SHISA3: variants seen among roughly 807,000 people sequenced by gnomAD.
SHISA3 encodes shisa family member 3, also known as protein shisa-3 homolog.
Under a neutral mutation model 19.2 loss-of-function variants are expected in SHISA3, and 15 were observed. The ratio of observed to expected loss-of-function variants is 0.78; its 90% CI spans 0.52 to 1.20. The LOEUF (loss-of-function observed/expected upper bound fraction) is 1.20. Among genes scored for constraint, SHISA3 ranks in the 50% most tolerant of loss-of-function variants. The pLI is 0.00. For missense variants in SHISA3, 327 were observed against 315.7 expected, an observed-to-expected ratio of 1.04 and a Z score of -0.27; for synonymous variants, 145 against 135.2, an observed-to-expected ratio of 1.07 and a Z score of -0.50.
rs762954514 is a variant in SHISA3, at chr4:42,398,037, G to C, written c.-20G>C. The C allele has an allele frequency of 2.0e-6, 3 of 1,537,688 alleles. No individual in the cohort carries two copies. The Admixed American group carries it at 6.1e-5, about 31-fold the overall frequency. On this transcript the variant is annotated 5_prime_UTR_variant, in exon 1 of 2. Transcript: ENST00000319234. ...TTCCAGCTGCGTCCTGCTCCCGGCC[G>C]CCCAGGGAGCCCAGTGGCGATGAGG...
At position 42,398,346 on chromosome 4, in the gene SHISA3, C is replaced by A. The variant is rs1325286043; in HGVS notation, c.277+13C>A. The A allele has an allele frequency of 2.0e-6, 3 of 1,525,908 alleles. No individual in the cohort carries two copies. The East Asian group carries it at 7.3e-5, about 37-fold the overall frequency. The allele number at this position is 1,525,908 out of a possible 1,614,324, so 94.5% of individuals were successfully genotyped here. ...GGCATCACTGCGCGTAAGTGCGGGG[C>A]CCTCGGGGACATATCCCCGCCCGCC... On this transcript the variant is annotated intron_variant, in intron 1 of 1. Transcript: ENST00000319234.
intron 1 of SHISA3, among the ~76,000 whole-genome samples, chr4:42,399,406 T>C (rs917614906): frequency 2.0e-5 from 3 of 152,192 alleles, no homozygotes; most frequent in African/African-American, 7.2e-5. Context: ...ATCTAGAGGA[T>C]TCTGGAAGTA....
intron 1 of SHISA3, 24 bp downstream of exon 1, chr4:42,398,357 A>T: frequency 6.6e-7 from 1 of 1,512,584 alleles, no homozygotes; most frequent in Non-Finnish European, 8.8e-7. Context: ...CCTCGGGGAC[A>T]TATCCCCGCC....
chr4:42,398,073 C>A lies in SHISA3; in HGVS notation c.17C>A (p.Ala6Glu), dbSNP rs761529553. The A allele has an allele frequency of 1.7e-5, 27 of 1,596,306 alleles. No homozygotes were observed. The highest frequency in any genetic ancestry group is 2.3e-5 in the East Asian group (1 of 44,142). MRALL[A>E]LCLLLGWLRW... ...CCAGTGGCGATGAGGGCACTGCTGG[C>A]GCTTTGCCTTCTCCTTGGCTGGCTG... The change falls in exon 1 of 2, where the codon GCG (alanine) becomes GAG (glutamate). Residue 6 changes from alanine (A) to glutamate (E), a missense_variant. Ala to Glu is a moderately radical substitution (Grantham distance 107). Coordinates refer to ENST00000319234, the MANE Select transcript of SHISA3 (RefSeq NM_001080505.3).
chr4:42,398,188 C>T lies in SHISA3; in HGVS notation c.132C>T (p.Cys44=), dbSNP rs1025339209. 3.7e-6 allele frequency: 6 copies of T among 1,606,314 alleles called. No individual in the cohort carries two copies. The highest frequency in any genetic ancestry group is 1.6e-4 in the Middle Eastern group (1 of 6,062). ...VQGNYHEGFQ[C]PEDFDTLDAT... ...GCAACTACCACGAGGGCTTCCAGTG[C>T]CCAGAGGACTTCGACACGCTGGACG... Residue 44 remains cysteine, a synonymous_variant, in exon 1 of 2, where the codon TGC becomes TGT. Transcript: ENST00000319234.
chr4:42,401,005 C>T lies in SHISA3; in HGVS notation c.278-7C>T. The T allele has an allele frequency of 1.2e-6, 2 of 1,611,890 alleles. No homozygotes were observed. The highest frequency in any genetic ancestry group is 8.5e-7 in the Non-Finnish European group (1 of 1,178,698). Reference sequence around the variant, plus strand: ...AGCATCTGTTTATGTCTGTTTTTGCCTTTTAGAGCCTGTCTACGTCCCCTT... The same window carrying T: ...AGCATCTGTTTATGTCTGTTTTTGCTTTTTAGAGCCTGTCTACGTCCCCTT... On this transcript the variant is annotated splice_polypyrimidine_tract_variant and splice_region_variant and intron_variant, in intron 1 of 1. Coordinates refer to ENST00000319234, the MANE Select transcript of SHISA3 (RefSeq NM_001080505.3).
chr4:42,399,899 C>G lies in SHISA3; in HGVS notation c.278-1113C>G, dbSNP rs76815661. On this transcript the variant is annotated intron_variant, in intron 1 of 1. Transcript: ENST00000319234. The stretch of plus-strand genomic sequence containing the variant: ...TAAACAAGGGAGAATGGGAGGGACA[C>G]AGAAGAGCTTACGCCTAGTAGCCCA... Among the ~76,000 whole-genome samples the G allele has an allele frequency of 5.0e-3, 759 of 152,324 alleles. 3 individuals carry two copies. Among genetic ancestry groups the G allele is most frequent in the Non-Finnish European group, 7.7e-3 (524 of 68,024 alleles).
chr4:42,401,514 T>C lies in SHISA3; in HGVS notation c.*63T>C. ...CAGACAGGTGGAGCCCTGCTCCCAT[T>C]GCCACATGCAATTCTGAGAAAATTT... On this transcript the variant is annotated 3_prime_UTR_variant, in exon 2 of 2. Transcript: ENST00000319234. 1 of 1,495,126 alleles carries C rather than the reference T, an allele frequency of 6.7e-7. No individual in the cohort carries two copies. The highest frequency in any genetic ancestry group is 9.0e-7 in the Non-Finnish European group (1 of 1,113,916). 92.6% of individuals were successfully genotyped at this position (1,495,126 alleles called of 1,614,324 possible).
Position 42,398,318 on chromosome 4 carries a change from C to A in SHISA3, c.262C>A (p.Pro88Thr). 1 of 1,557,036 alleles carries A rather than the reference C, an allele frequency of 6.4e-7. No individual in the cohort carries two copies. Among genetic ancestry groups the A allele is most frequent in the Non-Finnish European group, 8.7e-7 (1 of 1,152,832 alleles). Residue 88 changes from proline to threonine, a missense_variant, in exon 1 of 2, where the codon CCA (proline) becomes ACA (threonine). Pro to Thr is a conservative substitution (Grantham distance 38, BLOSUM62 -1). Transcript: ENST00000319234. ...CTNDRRELEH[P>T]GITAQPVYVP... ...CAACGACCGCCGCGAACTGGAGCAC[C>A]CAGGCATCACTGCGCGTAAGTGCGG...
chr4:42,397,961 C>A lies in SHISA3; in HGVS notation c.-96C>A. 1 of 1,258,472 alleles carries A rather than the reference C, an allele frequency of 7.9e-7. No individual in the cohort carries two copies. Among genetic ancestry groups the A allele is most frequent in the Non-Finnish European group, 1.1e-6 (1 of 940,656 alleles). 78.0% of individuals were successfully genotyped at this position (1,258,472 alleles called of 1,614,324 possible). A position where few individuals can be genotyped will look rare whatever the true frequency, so the allele number is the denominator to read the frequency against. On this transcript the variant is annotated 5_prime_UTR_variant, in exon 1 of 2. It adds an upstream start codon to the 5' untranslated region. Coordinates refer to ENST00000319234, the MANE Select transcript of SHISA3 (RefSeq NM_001080505.3). The stretch of plus-strand genomic sequence containing the variant: ...GGGGCCAGCAGCTTGCGACGTGTCC[C>A]TGGGGAGGCGGAATCGCTGTGCGCC...
intron 1 of SHISA3, among the ~76,000 whole-genome samples, chr4:42,399,071 C>T (rs1353524850): frequency 1.3e-5 from 2 of 152,128 alleles, no homozygotes; most frequent in South Asian, 2.1e-4. Flanking sequence ...ATCACGACCC[C>T]AGCAGAGAAA....
At chr4:42,398,643 C>G (rs1202134160) in intron 1 of SHISA3, among the ~76,000 whole-genome samples, 1 of 152,126 alleles carries the variant, frequency 6.6e-6, no homozygotes, top group Non-Finnish European at 1.5e-5. Flanking sequence ...ACAGCTGGAG[C>G]TCCCGGGAGA....
In SHISA3 at chr4:42,398,346, C is replaced by T. The variant is rs1325286043; in HGVS notation, c.277+13C>T. On this transcript the variant is annotated intron_variant, in intron 1 of 1. Transcript: ENST00000319234. ...GGCATCACTGCGCGTAAGTGCGGGGCCCTCGGGGACATATCCCCGCCCGCC... is the reference window on the plus strand; with the variant it reads ...GGCATCACTGCGCGTAAGTGCGGGGTCCTCGGGGACATATCCCCGCCCGCC... The T allele has an allele frequency of 2.6e-6, 4 of 1,525,790 alleles. No individual in the cohort carries two copies. Among genetic ancestry groups the T allele is most frequent in the Middle Eastern group, 3.4e-4 (2 of 5,866 alleles). The allele number at this position is 1,525,790 out of a possible 1,614,324, so 94.5% of individuals were successfully genotyped here.
In SHISA3 at chr4:42,401,805, A is replaced by G. The variant is rs901502570; in HGVS notation, c.*354A>G. ...AAAGGGCTACATGTTTCTTTTTCAT[A>G]TAAGTTGTTCATTGAGTTATGATAG... On this transcript the variant is annotated 3_prime_UTR_variant, in exon 2 of 2. Coordinates refer to ENST00000319234, the MANE Select transcript of SHISA3 (RefSeq NM_001080505.3). The G allele has an allele frequency of 1.0e-5, 2 of 196,714 alleles. No individual in the cohort carries two copies. The highest frequency in any genetic ancestry group is 1.3e-4 in the East Asian group (1 of 7,906). The allele number at this position is 196,714 out of a possible 1,614,324, so 12.2% of individuals were successfully genotyped here. A position where few individuals can be genotyped will look rare whatever the true frequency, so the allele number is the denominator to read the frequency against.
Position 42,397,714 on chromosome 4 carries a change from G to A in SHISA3, c.-343G>A, listed in dbSNP as rs1187007700. 5 of 279,436 alleles carry A rather than the reference G, an allele frequency of 1.8e-5. No homozygotes were observed. Among genetic ancestry groups the A allele is most frequent in the Non-Finnish European group, 2.7e-5 (4 of 150,550 alleles). 17.3% of individuals were successfully genotyped at this position (279,436 alleles called of 1,614,324 possible). On this transcript the variant is annotated 5_prime_UTR_variant, in exon 1 of 2. Transcript: ENST00000319234. ...TATGGCTCCCTTGAGGAGTGGGGAG[G>A]GAGGTGGCCGGGGGGTTGGCGCGCC...
chr4:42,400,988 T>G, intron 1 of SHISA3, 24 bp from the exon 2 acceptor site: 1 of 1,608,696 alleles, frequency 6.2e-7, no homozygotes, highest in Non-Finnish European at 8.5e-7. Context: ...TGAGCATCTG[T>G]TTATGTCTGT....
chr4:42,401,541 C>A lies in SHISA3; in HGVS notation c.*90C>A. On this transcript the variant is annotated 3_prime_UTR_variant, in exon 2 of 2. Coordinates refer to ENST00000319234, the MANE Select transcript of SHISA3 (RefSeq NM_001080505.3). ...CCACATGCAATTCTGAGAAAATTTCCCTTGTAACTGATCAGTGTCATGGAG... is the reference window on the plus strand; with the variant it reads ...CCACATGCAATTCTGAGAAAATTTCACTTGTAACTGATCAGTGTCATGGAG... The A allele has an allele frequency of 7.2e-7, 1 of 1,390,956 alleles. No individual in the cohort carries two copies. The allele number at this position is 1,390,956 out of a possible 1,614,324, so 86.2% of individuals were successfully genotyped here.
Position 42,398,138 on chromosome 4 carries a change from T to C in SHISA3, c.82T>C (p.Cys28Arg). The C allele has an allele frequency of 3.7e-6, 6 of 1,605,760 alleles. No homozygotes were observed. Among genetic ancestry groups the C allele is most frequent in the Non-Finnish European group, 5.1e-6 (6 of 1,176,760 alleles). The change falls in exon 1 of 2, where the codon TGC (cysteine) becomes CGC (arginine). Residue 28 changes from cysteine to arginine, a missense_variant. Cys to Arg is a radical substitution (Grantham distance 180, BLOSUM62 -3). Coordinates refer to ENST00000319234, the MANE Select transcript of SHISA3 (RefSeq NM_001080505.3). ...GGGCGCCCAGCAGTCCGGAGAGTAC[T>C]GCCACGGCTGGGTGGACGTGCAGGG... ...PAGAQQSGEYCHGWVDVQGNY... is the reference protein window; with the variant it reads ...PAGAQQSGEYRHGWVDVQGNY...
chr4:42,397,903 CTG>C lies in SHISA3; in HGVS notation c.-153_-152del. Reference sequence around the variant, plus strand: ...GCAGCCCCTGTCGCCTCCCCGGCCCCTGCTATCCCACGCAGGACTGGCTTCGG... The same window carrying C: ...GCAGCCCCTGTCGCCTCCCCGGCCCCCTATCCCACGCAGGACTGGCTTCGG... On this transcript the variant is annotated 5_prime_UTR_variant, in exon 1 of 2. Transcript: ENST00000319234. 1 of 660,916 alleles carries C rather than the reference CTG, an allele frequency of 1.5e-6. No homozygotes were observed. The highest frequency in any genetic ancestry group is 2.4e-6 in the Non-Finnish European group (1 of 409,938). 40.9% of individuals were successfully genotyped at this position (660,916 alleles called of 1,614,324 possible). A position where few individuals can be genotyped will look rare whatever the true frequency, so the allele number is the denominator to read the frequency against.
Sources: gnomAD v4.1 joint callset for allele counts (sites outside exome capture counted in the v4.1 genomes callset) on GRCh38, gnomAD v4.1.1 for gene constraint, MANE v1.5 for transcripts, NCBI Gene and HGNC (gene_info 2026-07-23, HGNC 2026-07-21) for gene names.